Variants in PPP1R9B observed in about 807,000 individuals in gnomAD.
The protein encoded by PPP1R9B is protein phosphatase 1 regulatory subunit 9B.
A neutral mutation model predicts 75.8 loss-of-function variants in PPP1R9B; 17 were observed. The ratio of observed to expected loss-of-function variants is 0.22; its 90% CI spans 0.15 to 0.34. PPP1R9B has a LOEUF of 0.34. PPP1R9B is among the 10% of genes least tolerant of loss of function. PPP1R9B has a pLI of 1.00. For missense variants in PPP1R9B, 875 were observed against 1,196.0 expected (o/e 0.73, Z 3.96); for synonymous variants, 509 against 535.4 (o/e 0.95, Z 0.68).
intron 7 of PPP1R9B, 119 bp from the exon 8 acceptor site, chr17:50,136,316 AC>A: frequency 2.7e-6 from 2 of 751,102 alleles, no homozygotes; most frequent in Non-Finnish European, 4.3e-6. Context: ...AGTCCATTGC[AC>A]CCCAACTACT....
In PPP1R9B at chr17:50,149,750, G is replaced by A; in HGVS notation, c.764C>T (p.Pro255Leu). 1.4e-6 allele frequency: 2 copies of A among 1,407,990 alleles called. No homozygotes were observed. The highest frequency in any genetic ancestry group is 1.8e-6 in the Non-Finnish European group (2 of 1,090,790). 87.2% of individuals were successfully genotyped at this position (1,407,990 alleles called of 1,614,324 possible). The change falls in exon 1 of 10, where the codon CCG (proline) becomes CTG (leucine). Residue 255 changes from proline to leucine, a missense_variant. By Grantham distance (98) the Pro-to-Leu change is moderately conservative. Transcript: ENST00000612501. This position sits in a 1 kb window ranked among gnomAD's most constrained non-coding sequence, Gnocchi z 7.2. ...CCCCGACGGGGCGGGCGGCGGCGGCGGCGGGGGCTGGAACACCCGGGACCG... is the reference window on the plus strand; with the variant it reads ...CCCCGACGGGGCGGGCGGCGGCGGCAGCGGGGGCTGGAACACCCGGGACCG... ...SKRSRVFQPP[P>L]PPPPAPSGDA...
In PPP1R9B at chr17:50,149,750, GGC is replaced by G; in HGVS notation, c.762_763del (p.Pro255AlafsTer44). 7.1e-7 allele frequency: 1 copy of G among 1,407,990 alleles called. No individual in the cohort carries two copies. Among genetic ancestry groups the G allele is most frequent in the Non-Finnish European group, 9.2e-7 (1 of 1,090,790 alleles). The allele number at this position is 1,407,990 out of a possible 1,614,324, so 87.2% of individuals were successfully genotyped here. A position where few individuals can be genotyped will look rare whatever the true frequency, so the allele number is the denominator to read the frequency against. The stretch of plus-strand genomic sequence containing the variant: ...CCCCGACGGGGCGGGCGGCGGCGGC[GGC>G]GGGGGCTGGAACACCCGGGACCGCT... On this transcript the variant is annotated frameshift_variant, in exon 1 of 10. Coordinates refer to ENST00000612501, the MANE Select transcript of PPP1R9B (RefSeq NM_032595.5). LOFTEE classifies it high-confidence loss of function. The surrounding 1 kb of genome is among the most constrained non-coding windows in gnomAD (Gnocchi z 7.2).
At chr17:50,145,274 GC>G in intron 1 of PPP1R9B, 29 bp from the exon 2 acceptor site, 2 of 1,610,964 alleles carry the variant, frequency 1.2e-6, no homozygotes, top group Non-Finnish European at 1.7e-6. Context: ...GGTCAGAGAG[GC>G]CGGCAGGAGG....
Position 50,149,681 on chromosome 17 carries a change from G to C in PPP1R9B, c.833C>G (p.Pro278Arg). 1 of 1,470,328 alleles carries C rather than the reference G, an allele frequency of 6.8e-7. No homozygotes were observed. The highest frequency in any genetic ancestry group is 9.0e-7 in the Non-Finnish European group (1 of 1,115,808). 91.1% of individuals were successfully genotyped at this position (1,470,328 alleles called of 1,614,324 possible). The change falls in exon 1 of 10, where the codon CCC becomes CGC. Residue 278 changes from proline (P) to arginine (R), a missense_variant. Around this residue, in one of 4 missense-constraint regions of PPP1R9B, gnomAD observed 449 missense variants for 475.0 expected, o/e 0.95. Coordinates refer to ENST00000612501, the MANE Select transcript of PPP1R9B (RefSeq NM_032595.5). This position sits in a 1 kb window ranked among gnomAD's most constrained non-coding sequence, Gnocchi z 7.2. ...EKERCPAGQQ[P>R]PQHRVAPARP... ...GGCAGGGGCCACTCGGTGCTGCGGG[G>C]GCTGCTGCCCTGCGGGGCATCGCTC...
At position 50,142,145 on chromosome 17, in the gene PPP1R9B, G is replaced by A. The variant is rs946751359; in HGVS notation, c.1626-772C>T. The stretch of plus-strand genomic sequence containing the variant: ...GTGCACCTGCCGACACACTCCAGTT[G>A]TGTCCCCTGAAGCCCGTGTTCTCCA... On this transcript the variant is annotated intron_variant, in intron 3 of 9. Coordinates refer to ENST00000612501, the MANE Select transcript of PPP1R9B (RefSeq NM_032595.5). This position sits in a 1 kb window ranked among gnomAD's most constrained non-coding sequence, Gnocchi z 4.1. Among the ~76,000 whole-genome samples, 5 of 152,176 alleles carry A rather than the reference G, an allele frequency of 3.3e-5. No homozygotes were observed. The highest frequency in any genetic ancestry group is 7.3e-5 in the Non-Finnish European group (5 of 68,042).
chr17:50,149,749 C>G lies in PPP1R9B; in HGVS notation c.765G>C (p.Pro255=). ...CCCCCGACGGGGCGGGCGGCGGCGG[C>G]GGCGGGGGCTGGAACACCCGGGACC... ...SKRSRVFQPP[P]PPPPAPSGDA... is the part of the protein sequence containing the mutation. Residue 255 remains proline, a synonymous_variant, in exon 1 of 10, where the codon CCG becomes CCC. Transcript: ENST00000612501. The surrounding 1 kb of genome is among the most constrained non-coding windows in gnomAD (Gnocchi z 7.2). The G allele has an allele frequency of 7.1e-7, 1 of 1,404,930 alleles. No individual in the cohort carries two copies. The highest frequency in any genetic ancestry group is 9.2e-7 in the Non-Finnish European group (1 of 1,089,000). The allele number at this position is 1,404,930 out of a possible 1,614,324, so 87.0% of individuals were successfully genotyped here.
rs1272052800 is a variant in PPP1R9B at position 50,149,716 on chromosome 17, C to A, written c.798G>T (p.Pro266=). Residue 266 remains proline (P), a synonymous_variant, in exon 1 of 10, where the codon CCG becomes CCT. Coordinates refer to ENST00000612501, the MANE Select transcript of PPP1R9B (RefSeq NM_032595.5). This position sits in a 1 kb window ranked among gnomAD's most constrained non-coding sequence, Gnocchi z 7.2. ...CTGCGGGGCATCGCTCTTTCTCGGCCGGGGCATCCCCCGACGGGGCGGGCG... is the reference window on the plus strand; with the variant it reads ...CTGCGGGGCATCGCTCTTTCTCGGCAGGGGCATCCCCCGACGGGGCGGGCG... ...PPPPAPSGDA[P]AEKERCPAGQ... The A allele has an allele frequency of 2.1e-6, 3 of 1,410,512 alleles. No homozygotes were observed. The highest frequency in any genetic ancestry group is 2.7e-6 in the Non-Finnish European group (3 of 1,090,966). The allele number at this position is 1,410,512 out of a possible 1,614,324, so 87.4% of individuals were successfully genotyped here.
In PPP1R9B at chr17:50,139,549, C is replaced by G; in HGVS notation, c.1899G>C (p.Glu633Asp). The change falls in exon 6 of 10, where the codon GAG becomes GAC. Residue 633 changes from glutamate (E) to aspartate (D), a missense_variant. By Grantham distance (45) the Glu-to-Asp change is conservative. Transcript: ENST00000612501. The surrounding 1 kb of genome is among the most constrained non-coding windows in gnomAD (Gnocchi z 5.0). ...TGEYATDEDEELSPTFPGGEM... is the reference protein window; with the variant it reads ...TGEYATDEDEDLSPTFPGGEM... ...CACCACCCGGGAACGTGGGGCTCAG[C>G]TCCTCATCCTCGTCAGTGGCATACT... 6.3e-7 allele frequency: 1 copy of G among 1,580,496 alleles called. No individual in the cohort carries two copies.
chr17:50,150,442 CT>C lies in PPP1R9B; in HGVS notation c.71del (p.Glu24GlyfsTer7). ...GCGGCTTCAGCGCCTGGATGCCCGC[CT>C]CGTAGGCGCTGCGGTGCGGGGAGGC... ...RSASPHRSAY[E>X]AGIQALKPPD... On this transcript the variant is annotated frameshift_variant, in exon 1 of 10. Transcript: ENST00000612501. LOFTEE classifies it high-confidence loss of function. The surrounding 1 kb of genome is among the most constrained non-coding windows in gnomAD (Gnocchi z 8.7). 7.2e-7 allele frequency: 1 copy of C among 1,386,820 alleles called. No individual in the cohort carries two copies. The highest frequency in any genetic ancestry group is 9.4e-7 in the Non-Finnish European group (1 of 1,064,984). 85.9% of individuals were successfully genotyped at this position (1,386,820 alleles called of 1,614,324 possible).
At position 50,143,690 on chromosome 17, in the gene PPP1R9B, G is replaced by A. The variant is rs1397780143; in HGVS notation, c.1533C>T (p.Ile511=). 5.0e-6 allele frequency: 8 copies of A among 1,613,968 alleles called. No homozygotes were observed. The highest frequency in any genetic ancestry group is 3.3e-5 in the South Asian group (3 of 91,088). ...KDSEGLGISI[I]GMGAGADMGL... is the part of the protein sequence containing the mutation. ...CCATGTCTGCCCCGGCGCCCATGCC[G>A]ATGATGCTGATGCCCAGGCCCTCGG... The change falls in exon 3 of 10, where the codon ATC becomes ATT. Residue 511 remains isoleucine, a synonymous_variant. Transcript: ENST00000612501.
Position 50,150,310 on chromosome 17 carries a change from C to G in PPP1R9B, c.204G>C (p.Ala68=). The change falls in exon 1 of 10, where the codon GCG becomes GCC. Residue 68 remains alanine, a synonymous_variant. Coordinates refer to ENST00000612501, the MANE Select transcript of PPP1R9B (RefSeq NM_032595.5). The surrounding 1 kb of genome is among the most constrained non-coding windows in gnomAD (Gnocchi z 8.7). ...CGCCGCCCGCCTCGCCCGAGGGCCCCGCCGTCGTGCCCATCTGCAGGAACA... is the reference window on the plus strand; with the variant it reads ...CGCCGCCCGCCTCGCCCGAGGGCCCGGCCGTCGTGCCCATCTGCAGGAACA... The part of the protein sequence containing the change: ...KSMFLQMGTT[A]GPSGEAGGGA... 6.9e-7 allele frequency: 1 copy of G among 1,442,036 alleles called. No homozygotes were observed. Among genetic ancestry groups the G allele is most frequent in the East Asian group, 3.0e-5 (1 of 32,802 alleles). 89.3% of individuals were successfully genotyped at this position (1,442,036 alleles called of 1,614,324 possible).
At chr17:50,141,669 AAAAAAAAAC>A (rs1381732843) in intron 3 of PPP1R9B, among the ~76,000 whole-genome samples, 1 of 151,620 alleles carries the variant, frequency 6.6e-6, no homozygotes, top group Non-Finnish European at 1.5e-5. Context: ...CCTCAAAAAA[AAAAAAAAAC>A]AAAAAAAAAC....
chr17:50,141,314 TG>T lies in PPP1R9B; in HGVS notation c.1684del (p.Gln562ArgfsTer18). ...VDGTSLVGVT[Q>X]SFAASVLRNT... is the part of the protein sequence containing the mutation. The stretch of plus-strand genomic sequence containing the variant: ...CCGGAGCACAGACGCCGCGAAGCTC[TG>T]GGTCACTCCCACCAGACTTGTTCCA... On this transcript the variant is annotated frameshift_variant, in exon 4 of 10. Coordinates refer to ENST00000612501, the MANE Select transcript of PPP1R9B (RefSeq NM_032595.5). LOFTEE classifies it high-confidence loss of function. 1 of 1,593,646 alleles carries T rather than the reference TG, an allele frequency of 6.3e-7. No homozygotes were observed. The highest frequency in any genetic ancestry group is 1.7e-5 in the Admixed American group (1 of 58,018).
intron 4 of PPP1R9B, among the ~76,000 whole-genome samples, chr17:50,141,030 T>C (rs1912362409): frequency 6.6e-6 from 1 of 152,108 alleles, no homozygotes; most frequent in Admixed American, 6.5e-5. Context: ...TTTGGAGGGC[T>C]GGTGGACAGT....
At position 50,145,029 on chromosome 17, in the gene PPP1R9B, G is replaced by A. The variant is rs542888736; in HGVS notation, c.1504+84C>T. On this transcript the variant is annotated intron_variant, in intron 2 of 9. Transcript: ENST00000612501. ...CAGCAAGTCTGTGGGAGCCCCTGAG[G>A]GCACAGGGCAGGAGCTGGTGCCAGA... The A allele has an allele frequency of 1.1e-4, 163 of 1,512,410 alleles. No individual in the cohort carries two copies. The African/African-American group carries it at 2.1e-3, about 20-fold the overall frequency. The allele number at this position is 1,512,410 out of a possible 1,614,324, so 93.7% of individuals were successfully genotyped here.
chr17:50,138,822 G>A (rs141138594), intron 7 of PPP1R9B, among the ~76,000 whole-genome samples: 1 of 152,262 alleles, frequency 6.6e-6, no homozygotes, highest in Non-Finnish European at 1.5e-5. Context: ...ATAGGTTTTC[G>A]CCATGTTGCC....
At chr17:50,144,982 G>C (rs1912478320) in intron 2 of PPP1R9B, 131 bp downstream of exon 2, 1 of 1,171,192 alleles carries the variant, frequency 8.5e-7, no homozygotes, top group East Asian at 2.6e-5. Context: ...GTCACCAAGG[G>C]CCTGAGTCAG....
chr17:50,139,573 C>A lies in PPP1R9B; in HGVS notation c.1875G>T (p.Glu625Asp), dbSNP rs1253591038. 4 of 1,552,032 alleles carry A rather than the reference C, an allele frequency of 2.6e-6. No homozygotes were observed. The highest frequency in any genetic ancestry group is 3.9e-5 in the Admixed American group (2 of 51,430). Residue 625 changes from glutamate to aspartate, a missense_variant, in exon 6 of 10, where the codon GAG becomes GAT. Transcript: ENST00000612501. The surrounding 1 kb of genome is among the most constrained non-coding windows in gnomAD (Gnocchi z 5.0). ...GCTCCTCATCCTCGTCAGTGGCATA[C>A]TCTCCCGTCTGCGAAGGGAGACCGG... ...QYGEDDEETG[E>D]YATDEDEELS...
In PPP1R9B at chr17:50,149,605, C is replaced by T; in HGVS notation, c.909G>A (p.Val303=). The T allele has an allele frequency of 1.3e-6, 2 of 1,560,308 alleles. No homozygotes were observed. Among genetic ancestry groups the T allele is most frequent in the Middle Eastern group, 3.3e-4 (2 of 6,008 alleles). Residue 303 remains valine (V), a synonymous_variant, in exon 1 of 10, where the codon GTG becomes GTA. Transcript: ENST00000612501. The surrounding 1 kb of genome is among the most constrained non-coding windows in gnomAD (Gnocchi z 7.2). ...CGGCCTCCGACTCCCCGCTCTCCTC[C>T]ACCTCCACCGGCTTAATCTTGCGCA... ...REVRKIKPVE[V]EESGESEAES... is the part of the protein sequence containing the mutation.
Sources: gnomAD v4.1 joint callset for allele counts (sites outside exome capture counted in the v4.1 genomes callset) on GRCh38, gnomAD v4.1.1 for gene constraint, gnomAD v4.1.1 regional missense constraint, Gnocchi (gnomAD v3.1) non-coding constraint, MANE v1.5 for transcripts, NCBI Gene and HGNC (gene_info 2026-07-23, HGNC 2026-07-21) for gene names.